GRID1: variants seen among roughly 807,000 people sequenced by gnomAD.
GRID1 encodes glutamate ionotropic receptor delta type subunit 1, also known as glutamate receptor ionotropic, delta-1.
In GRID1, 28 loss-of-function variants were observed where a neutral mutation model predicts 98.0. The observed-to-expected ratio is 0.29, with a 90% CI of 0.21 to 0.39. GRID1 has a LOEUF of 0.39. Among genes scored for constraint, GRID1 ranks in the 10% least tolerant of loss-of-function variants. GRID1 has a pLI of 1.00. For missense variants in GRID1, 1,111 were observed against 1,340.5 expected (o/e 0.83, Z 2.67); for synonymous variants, 553 against 538.5 (o/e 1.03, Z -0.37).
At chr10:86,333,200 T>A (rs959044606) in intron 2 of GRID1, among the ~76,000 whole-genome samples, 2 of 152,190 alleles carry the variant, frequency 1.3e-5, no homozygotes, top group African/African-American at 4.8e-5. Flanking sequence ...TAGAATGCCA[T>A]CTCCCACCAC....
intron 4 of GRID1, among the ~76,000 whole-genome samples, chr10:86,027,502 C>A (rs1283911912): frequency 3.9e-5 from 6 of 152,206 alleles, no homozygotes; most frequent in African/African-American, 1.4e-4. Context: ...GAGCAGTTGA[C>A]AAATATTTGA....
chr10:86,080,369 AG>A (rs1843949532), intron 4 of GRID1, among the ~76,000 whole-genome samples: 1 of 130,028 alleles, frequency 7.7e-6, no homozygotes, highest in African/African-American at 3.0e-5. Context: ...AAAAAGAGAG[AG>A]AAAAAGGAAA....
intron 4 of GRID1, among the ~76,000 whole-genome samples, chr10:85,994,943 G>A (rs1842723139): frequency 6.6e-6 from 1 of 152,206 alleles, no homozygotes; most frequent in Non-Finnish European, 1.5e-5. Flanking sequence ...CCACCTGGCT[G>A]AAACAACTGC....
intron 8 of GRID1, among the ~76,000 whole-genome samples, chr10:85,738,057 A>G (rs529969232): frequency 2.0e-5 from 3 of 152,238 alleles, no homozygotes; most frequent in African/African-American, 7.2e-5. Context: ...ACATCTACTC[A>G]TCAGCTCTTC....
chr10:86,107,230 C>G (rs1844404332), intron 4 of GRID1, among the ~76,000 whole-genome samples: 1 of 152,218 alleles, frequency 6.6e-6, no homozygotes, highest in African/African-American at 2.4e-5. Flanking sequence ...CTTCTCACTG[C>G]CCGATAGCTG....
At chr10:85,662,016 G>A (rs2132571107) in intron 12 of GRID1, among the ~76,000 whole-genome samples, 1 of 152,304 alleles carries the variant, frequency 6.6e-6, no homozygotes, top group African/African-American at 2.4e-5. Flanking sequence ...GTTTCCTTCT[G>A]CCATGTTCAC....
chr10:86,210,011 AG>A (rs1002889507), intron 2 of GRID1, among the ~76,000 whole-genome samples: 1 of 152,170 alleles, frequency 6.6e-6, no homozygotes. Context: ...AAGCACTGTC[AG>A]GGGGAAGAGC....
intron 4 of GRID1, among the ~76,000 whole-genome samples, chr10:85,933,284 TTAAAAAAA>T (rs1000067954): frequency 4.1e-5 from 3 of 74,068 alleles, no homozygotes; most frequent in African/African-American, 5.6e-5. Context: ...TCTCTGTTCT[TTAAAAAAA>T]AAAAAAAAAA....
At chr10:86,006,606 G>A (rs754853367) in intron 4 of GRID1, among the ~76,000 whole-genome samples, 17 of 151,510 alleles carry the variant, frequency 1.1e-4, no homozygotes, top group Non-Finnish European at 2.2e-4. Context: ...GACAGAGCGA[G>A]ACGCCGTCTA....
Position 86,314,023 on chromosome 10 carries a change from A to G in GRID1, c.235+49918T>C, listed in dbSNP as rs370141609. The stretch of plus-strand genomic sequence containing the variant: ...TCACCATCCATAAACTAAATGATCC[A>G]TAAACACTCTCCCATCTCTAGCCTA... On this transcript the variant is annotated intron_variant, in intron 2 of 15. Coordinates refer to ENST00000327946, the MANE Select transcript of GRID1 (RefSeq NM_017551.3). Among the ~76,000 whole-genome samples the G allele has an allele frequency of 1.8e-4, 27 of 152,350 alleles. No individual in the cohort carries two copies. The East Asian group carries it at 2.7e-3, about 15-fold the overall frequency.
At chr10:85,934,818 G>A (rs949595597) in intron 4 of GRID1, among the ~76,000 whole-genome samples, 1 of 152,116 alleles carries the variant, frequency 6.6e-6, no homozygotes, top group African/African-American at 2.4e-5. Context: ...GGGAGGAGGT[G>A]AGTAGGGACC....
At chr10:85,637,172 A>G (rs889783195) in intron 13 of GRID1, among the ~76,000 whole-genome samples, 2 of 152,220 alleles carry the variant, frequency 1.3e-5, no homozygotes, top group Non-Finnish European at 2.9e-5. Context: ...ATAATTATAT[A>G]AAACGTTTGT....
At chr10:85,790,364 A>G (rs1346565908) in intron 8 of GRID1, among the ~76,000 whole-genome samples, 1 of 152,242 alleles carries the variant, frequency 6.6e-6, no homozygotes, top group African/African-American at 2.4e-5. Flanking sequence ...AATTGTCCTC[A>G]GGGGACCTGG....
At chr10:85,902,936 C>A (rs1402013413) in intron 5 of GRID1, among the ~76,000 whole-genome samples, 2 of 152,144 alleles carry the variant, frequency 1.3e-5, no homozygotes, top group Non-Finnish European at 2.9e-5. Flanking sequence ...TCAGGCTGCT[C>A]CTGGTCAGCA....
At chr10:85,715,615 A>G (rs1035679544) in intron 12 of GRID1, among the ~76,000 whole-genome samples, 4 of 152,224 alleles carry the variant, frequency 2.6e-5, no homozygotes, top group African/African-American at 9.6e-5. Context: ...AAAATATTCA[A>G]CATAACTAAT....
intron 3 of GRID1, among the ~76,000 whole-genome samples, chr10:86,145,570 A>ACACACACACACACACACC (rs1564689403): frequency 2.7e-5 from 4 of 150,396 alleles, no homozygotes; most frequent in East Asian, 2.0e-4. Context: ...ACACACACAC[A>ACACACACACACACACACC]CCCTCCCTCC....
intron 4 of GRID1, among the ~76,000 whole-genome samples, chr10:86,016,936 G>A (rs1842988410): frequency 1.3e-5 from 2 of 152,172 alleles, no homozygotes; most frequent in Non-Finnish European, 2.9e-5. Context: ...TTGGTCTTGA[G>A]TCTAGCATGG....
At chr10:85,763,534 T>G (rs1443061855) in intron 8 of GRID1, among the ~76,000 whole-genome samples, 1 of 152,216 alleles carries the variant, frequency 6.6e-6, no homozygotes, top group Non-Finnish European at 1.5e-5. Flanking sequence ...CTGTGACAAT[T>G]TATCTGGTTA....
chr10:86,161,629 G>T (rs1845324886), intron 3 of GRID1, among the ~76,000 whole-genome samples: 1 of 152,284 alleles, frequency 6.6e-6, no homozygotes, highest in East Asian at 1.9e-4. Flanking sequence ...CTCCAGGAGG[G>T]CTTATCTCTC....
Sources: allele counts gnomAD v4.1 joint callset (sites outside exome capture counted in the v4.1 genomes callset), GRCh38; gene constraint gnomAD v4.1.1; transcripts MANE v1.5; gene names NCBI Gene and HGNC (gene_info 2026-07-23, HGNC 2026-07-21).